Variants in CADPS2 observed in about 807,000 individuals in gnomAD.
CADPS2 encodes the protein calcium dependent secretion activator 2.
CADPS2 carries 93 observed loss-of-function variants against 172.5 expected under a neutral mutation model. The ratio of observed to expected loss-of-function variants is 0.54; its 90% CI spans 0.46 to 0.64. CADPS2 has a LOEUF of 0.64. Among genes scored for constraint, CADPS2 ranks in the 30% least tolerant of loss-of-function variants. The pLI is 0.00. For missense variants in CADPS2, 1,420 were observed against 1,565.9 expected, an observed-to-expected ratio of 0.91 and a Z score of 1.57; for synonymous variants, 546 against 555.2, an observed-to-expected ratio of 0.98 and a Z score of 0.23.
chr7:122,800,531 G>A (rs897522808), intron 1 of CADPS2, among the ~76,000 whole-genome samples: 1 of 152,218 alleles, frequency 6.6e-6, no homozygotes, highest in East Asian at 1.9e-4. Flanking sequence ...ATGTAGGTTG[G>A]GGGCTGAGAA....
intron 1 of CADPS2, among the ~76,000 whole-genome samples, chr7:122,859,226 A>C (rs867628521): frequency 1.3e-5 from 2 of 152,334 alleles, no homozygotes; most frequent in South Asian, 4.1e-4. Context: ...ATCCCAAAAG[A>C]CTTTCTTAAA....
At chr7:122,443,734 A>G (rs2051714412) in intron 15 of CADPS2, among the ~76,000 whole-genome samples, 1 of 148,516 alleles carries the variant, frequency 6.7e-6, no homozygotes, top group Non-Finnish European at 1.5e-5. Flanking sequence ...AAAAAAAAAA[A>G]ATGCTGTCAA....
chr7:122,527,258 T>C (rs1172079366), intron 8 of CADPS2, among the ~76,000 whole-genome samples: 1 of 151,954 alleles, frequency 6.6e-6, no homozygotes, highest in Non-Finnish European at 1.5e-5. Flanking sequence ...CTTAAGCCCC[T>C]TTATGCCGAA....
At chr7:122,544,133 T>A (rs769869868) in intron 8 of CADPS2, among the ~76,000 whole-genome samples, 7 of 152,138 alleles carry the variant, frequency 4.6e-5, no homozygotes, top group Non-Finnish European at 1.0e-4. Flanking sequence ...TACAAGAATG[T>A]TCACAGTAGC....
chr7:122,723,262 C>A (rs1472520491), intron 2 of CADPS2, among the ~76,000 whole-genome samples: 1 of 151,770 alleles, frequency 6.6e-6, no homozygotes, highest in Non-Finnish European at 1.5e-5. Context: ...AATGGGAGAA[C>A]ATTTTTGCAA....
intron 23 of CADPS2, among the ~76,000 whole-genome samples, chr7:122,387,846 C>T (rs1301247904): frequency 1.3e-5 from 2 of 150,322 alleles, no homozygotes; most frequent in East Asian, 2.0e-4. Context: ...CCTTAAGGGG[C>T]CACTGAACAT....
chr7:122,549,300 A>G (rs554314780), intron 8 of CADPS2, among the ~76,000 whole-genome samples: 5 of 152,278 alleles, frequency 3.3e-5, no homozygotes, highest in African/African-American at 1.2e-4. Flanking sequence ...CTTACTGTCT[A>G]CATGACATTT....
At position 122,853,809 on chromosome 7, in the gene CADPS2, C is replaced by T. The variant is rs927742013; in HGVS notation, c.339+32190G>A. On this transcript the variant is annotated intron_variant, in intron 1 of 29. Coordinates refer to ENST00000449022, the MANE Select transcript of CADPS2 (RefSeq NM_017954.11). ...TGGAAGAAGAGAGGGGAAGCAGGAG[C>T]GAAAAGCGGATGTGGGGAAGGGAGC... Among the ~76,000 whole-genome samples, 13 of 151,902 alleles carry T rather than the reference C, an allele frequency of 8.6e-5. 1 individual carries two copies. The highest frequency in any genetic ancestry group is 4.2e-4 in the South Asian group (2 of 4,808).
chr7:122,803,971 A>AT lies in CADPS2; in HGVS notation c.340-66904dup, dbSNP rs1281202379. The stretch of plus-strand genomic sequence containing the variant: ...CCTGTCTTTTTAAAACCAGGCTTGA[A>AT]TGGAAAAAAAAAAAAAAAAAAAAAA... On this transcript the variant is annotated intron_variant, in intron 1 of 29. Transcript: ENST00000449022. Among the ~76,000 whole-genome samples, 34 of 130,892 alleles carry AT rather than the reference A, an allele frequency of 2.6e-4. 1 individual carries two copies. The South Asian group carries it at 3.5e-3, about 13-fold the overall frequency. The allele number at this position is 130,892 out of a possible 152,430, so 85.9% of individuals were successfully genotyped here.
At chr7:122,668,207 A>C (rs2135484625) in intron 2 of CADPS2, among the ~76,000 whole-genome samples, 1 of 151,440 alleles carries the variant, frequency 6.6e-6, no homozygotes, top group Non-Finnish European at 1.5e-5. Flanking sequence ...AATTTACAAA[A>C]TGTGGAAATA....
chr7:122,864,271 G>C (rs1012816263), intron 1 of CADPS2, among the ~76,000 whole-genome samples: 4 of 152,068 alleles, frequency 2.6e-5, no homozygotes, highest in Admixed American at 2.0e-4. Context: ...ACATGGGATG[G>C]AGGCAGCAAG....
At chr7:122,518,073 ATAT>A (rs2060510005) in intron 8 of CADPS2, among the ~76,000 whole-genome samples, 1 of 151,944 alleles carries the variant, frequency 6.6e-6, no homozygotes, top group Non-Finnish European at 1.5e-5. Context: ...ATTTAACCTG[ATAT>A]TATGCTCCAC....
rs747661164 is a variant in CADPS2, at chr7:122,581,302, TA to T, written c.1224-13del. On this transcript the variant is annotated splice_polypyrimidine_tract_variant and intron_variant, in intron 6 of 29. Transcript: ENST00000449022. ...CTTGAGTCCCCCATCTGTAATGAAG[TA>T]AAAAAAATGTTTCTTAAAATGCAGC... 1.6e-5 allele frequency: 25 copies of T among 1,598,018 alleles called. No homozygotes were observed. The highest frequency in any genetic ancestry group is 6.7e-5 in the Admixed American group (4 of 59,260).
intron 2 of CADPS2, among the ~76,000 whole-genome samples, chr7:122,706,581 A>G (rs563045389): frequency 1.1e-3 from 163 of 146,398 alleles, no homozygotes; most frequent in African/African-American, 3.8e-3. Context: ...GCGAATATGT[A>G]TATATATATA....
intron 6 of CADPS2, among the ~76,000 whole-genome samples, chr7:122,588,223 C>A (rs1020156032): frequency 2.2e-4 from 33 of 152,016 alleles, no homozygotes. Flanking sequence ...TAATTAGATG[C>A]CATTTGTCAA....
chr7:122,518,815 T>C (rs185215775), intron 8 of CADPS2, among the ~76,000 whole-genome samples: 17 of 152,180 alleles, frequency 1.1e-4, no homozygotes, highest in Non-Finnish European at 1.6e-4. Flanking sequence ...TAAGTATCTA[T>C]CACACAGCAT....
At chr7:122,756,036 C>G (rs2093145804) in intron 1 of CADPS2, among the ~76,000 whole-genome samples, 1 of 152,168 alleles carries the variant, frequency 6.6e-6, no homozygotes, top group Admixed American at 6.5e-5. Context: ...TACCACAGCA[C>G]ACTGATGATA....
chr7:122,817,436 T>G (rs751257306), intron 1 of CADPS2, among the ~76,000 whole-genome samples: 1 of 152,120 alleles, frequency 6.6e-6, no homozygotes, highest in South Asian at 2.1e-4. Flanking sequence ...ATTCCTTTCA[T>G]TTTCTGGGAG....
At chr7:122,751,936 T>C (rs2092969643) in intron 1 of CADPS2, among the ~76,000 whole-genome samples, 1 of 152,170 alleles carries the variant, frequency 6.6e-6, no homozygotes, top group African/African-American at 2.4e-5. Context: ...TTTACTCCCA[T>C]TAGCATTTAG....
Sources: allele counts gnomAD v4.1 joint callset (sites outside exome capture counted in the v4.1 genomes callset), GRCh38; gene constraint gnomAD v4.1.1; transcripts MANE v1.5; gene names NCBI Gene and HGNC (gene_info 2026-07-23, HGNC 2026-07-21).